KLHL29: variants seen among roughly 807,000 people sequenced by gnomAD.
KLHL29 encodes kelch-like protein 29.
A neutral mutation model predicts 80.4 loss-of-function variants in KLHL29; 21 were observed. The observed-to-expected ratio is 0.26, with a 90% CI of 0.19 to 0.38. KLHL29 has a LOEUF of 0.38. Among genes scored for constraint, KLHL29 ranks in the 10% least tolerant of loss-of-function variants. The probability of loss-of-function intolerance (pLI) is 1.00; values close to 1 mark genes in which losing one functional copy is unlikely to be tolerated. For missense variants in KLHL29, 867 were observed against 1,223.9 expected, an observed-to-expected ratio of 0.71 and a Z score of 4.35; for synonymous variants, 511 against 526.8, an observed-to-expected ratio of 0.97 and a Z score of 0.41.
intron 2 of KLHL29, among the ~76,000 whole-genome samples, chr2:23,553,598 G>T (rs754766454): frequency 6.6e-6 from 1 of 152,234 alleles, no homozygotes; most frequent in Non-Finnish European, 1.5e-5. Flanking sequence ...TGTGTGAAGG[G>T]CCAGGGCTAG....
In KLHL29 at chr2:23,394,067, C is replaced by T. The variant is rs142498485; in HGVS notation, c.-154+8287C>T. 3.6e-3 allele frequency among the ~76,000 whole-genome samples: 550 copies of T among 152,306 alleles called. 4 individuals are homozygous for T. Among genetic ancestry groups the T allele is most frequent in the Middle Eastern group, 0.017 (5 of 294 alleles). ...GTCTCTGTTTTGTGCAAAGCATACG[C>T]CAAAGGCTTAGATCAAATTAAAGAC... On this transcript the variant is annotated intron_variant, in intron 1 of 13. Transcript: ENST00000486442.
chr2:23,560,252 T>A (rs1012781767), intron 2 of KLHL29, among the ~76,000 whole-genome samples: 2 of 147,176 alleles, frequency 1.4e-5, no homozygotes, highest in East Asian at 4.1e-4. Context: ...AACCATGTAA[T>A]ATTGGATAGG....
intron 1 of KLHL29, among the ~76,000 whole-genome samples, chr2:23,386,127 C>G (rs897909756): frequency 1.3e-5 from 2 of 152,096 alleles, no homozygotes; most frequent in Non-Finnish European, 2.9e-5. Flanking sequence ...CTGCTGGGCC[C>G]GGCGGCGCGC....
chr2:23,487,151 T>A (rs901030701), intron 2 of KLHL29, among the ~76,000 whole-genome samples: 5 of 152,098 alleles, frequency 3.3e-5, no homozygotes, highest in African/African-American at 1.2e-4. Flanking sequence ...CTGTACCTCT[T>A]GTCATTTGTC....
intron 1 of KLHL29, among the ~76,000 whole-genome samples, chr2:23,441,792 G>A (rs1422193353): frequency 1.3e-5 from 2 of 152,152 alleles, no homozygotes; most frequent in East Asian, 1.9e-4. Context: ...GCTTTTCACA[G>A]CATGATGGTT....
In KLHL29 at chr2:23,387,047, C is replaced by CGCCGCT. The variant is rs557182952; in HGVS notation, c.-154+1271_-154+1276dup. Reference sequence around the variant, plus strand: ...CTGATGGGTAAGGAGCTGCCGCCGCCGCCGCTGCCATCCCCGCCGCTCTGC... The same window carrying CGCCGCT: ...CTGATGGGTAAGGAGCTGCCGCCGCCGCCGCTGCCGCTGCCATCCCCGCCGCTCTGC... On this transcript the variant is annotated intron_variant, in intron 1 of 13. Transcript: ENST00000486442. Among the ~76,000 whole-genome samples the CGCCGCT allele has an allele frequency of 1.5e-3, 235 of 152,254 alleles. 1 individual carries two copies. The highest frequency in any genetic ancestry group is 5.3e-3 in the African/African-American group (219 of 41,570).
intron 2 of KLHL29, among the ~76,000 whole-genome samples, chr2:23,558,918 G>A (rs548861987): frequency 2.6e-3 from 391 of 152,346 alleles, no homozygotes; most frequent in African/African-American, 8.8e-3. Context: ...TCAAGTTGCC[G>A]GGGTCACACA....
At chr2:23,499,856 A>G (rs1381885384) in intron 2 of KLHL29, among the ~76,000 whole-genome samples, 1 of 152,256 alleles carries the variant, frequency 6.6e-6, no homozygotes, top group Non-Finnish European at 1.5e-5. Flanking sequence ...TTTGAGGCGC[A>G]TTCTCTAGAA....
At chr2:23,449,513 A>T (rs901088915) in intron 1 of KLHL29, among the ~76,000 whole-genome samples, 1 of 152,184 alleles carries the variant, frequency 6.6e-6, no homozygotes, top group Non-Finnish European at 1.5e-5. Context: ...GACCTGTCAC[A>T]TGCTTGGGGT....
At chr2:23,541,293 G>A (rs1666826618) in intron 2 of KLHL29, among the ~76,000 whole-genome samples, 1 of 152,242 alleles carries the variant, frequency 6.6e-6, no homozygotes, top group Non-Finnish European at 1.5e-5. Context: ...GGATGGATAA[G>A]TAGATGGACA....
intron 6 of KLHL29, among the ~76,000 whole-genome samples, chr2:23,686,084 T>C (rs905397969): frequency 6.6e-6 from 1 of 152,000 alleles, no homozygotes; most frequent in African/African-American, 2.4e-5. Context: ...AGTGAAGGCT[T>C]CTTGGGCTGA....
At chr2:23,482,826 CTCATTCATTCATTCATTCATTCATTCAT>C (rs55692243) in intron 2 of KLHL29, among the ~76,000 whole-genome samples, 1 of 150,296 alleles carries the variant, frequency 6.7e-6, no homozygotes, top group Non-Finnish European at 1.5e-5. Context: ...GCAACGCTCA[CTCATTCATTCATTCATTCATTCATTCAT>C]TCATTCATTC....
At chr2:23,395,260 T>C (rs1003745093) in intron 1 of KLHL29, among the ~76,000 whole-genome samples, 9 of 152,180 alleles carry the variant, frequency 5.9e-5, no homozygotes, top group African/African-American at 2.2e-4. Context: ...TGAATGCTGC[T>C]GTGGCCGTGA....
chr2:23,658,792 A>G (rs1228420779), intron 5 of KLHL29, among the ~76,000 whole-genome samples: 1 of 152,208 alleles, frequency 6.6e-6, no homozygotes, highest in Admixed American at 6.5e-5. Flanking sequence ...AGCTGAAGCC[A>G]CAGCCTCACT....
At chr2:23,526,892 C>G (rs907070877) in intron 2 of KLHL29, among the ~76,000 whole-genome samples, 3 of 152,188 alleles carry the variant, frequency 2.0e-5, no homozygotes, top group African/African-American at 7.2e-5. Context: ...TCCACCACCA[C>G]CAGCAGAGCC....
intron 1 of KLHL29, among the ~76,000 whole-genome samples, chr2:23,419,196 G>A (rs1662708806): frequency 6.6e-6 from 1 of 152,288 alleles, no homozygotes. Context: ...CTTCCATAAG[G>A]TCACATTTGT....
intron 1 of KLHL29, among the ~76,000 whole-genome samples, chr2:23,421,066 C>T (rs1290480543): frequency 1.3e-5 from 2 of 152,196 alleles, no homozygotes; most frequent in Non-Finnish European, 2.9e-5. Context: ...GTGTCCCCTC[C>T]TTACAGAGAG....
In KLHL29 at chr2:23,562,158, G is replaced by A. The variant is rs1175966106; in HGVS notation, c.-39G>A. On this transcript the variant is annotated 5_prime_UTR_variant, in exon 3 of 14. Transcript: ENST00000486442. The surrounding 1 kb of genome is among the most constrained non-coding windows in gnomAD (Gnocchi z 4.5). ...CTCCACCCTGTCACCACAGGTCCGG[G>A]CTCTGTTTCCCTGTGAGAAGCCGCC... 1 of 1,548,430 alleles carries A rather than the reference G, an allele frequency of 6.5e-7. No individual in the cohort carries two copies.
chr2:23,595,430 C>A (rs958269667), intron 3 of KLHL29, among the ~76,000 whole-genome samples: 1 of 152,244 alleles, frequency 6.6e-6, no homozygotes, highest in African/African-American at 2.4e-5. Context: ...GCTGATATTC[C>A]TGACCCAAGG....
Sources: gnomAD v4.1 joint callset for allele counts (sites outside exome capture counted in the v4.1 genomes callset) on GRCh38, gnomAD v4.1.1 for gene constraint, Gnocchi (gnomAD v3.1) non-coding constraint, MANE v1.5 for transcripts, NCBI Gene and HGNC (gene_info 2026-07-23, HGNC 2026-07-21) for gene names.